SLC14A2: variants seen among roughly 807,000 people sequenced by gnomAD.
SLC14A2 encodes solute carrier family 14 member 2.
In SLC14A2, 91 loss-of-function variants were observed where a neutral mutation model predicts 104.6. The ratio of observed to expected loss-of-function variants is 0.87; its 90% CI spans 0.73 to 1.04. SLC14A2 has a LOEUF of 1.04. Ranked by LOEUF, SLC14A2 falls within the 50% of genes least tolerant of loss-of-function variation. The probability of loss-of-function intolerance (pLI) is 0.00; values close to 1 mark genes in which losing one functional copy is unlikely to be tolerated. For missense variants in SLC14A2, 1,189 were observed against 1,156.0 expected, an observed-to-expected ratio of 1.03 and a Z score of -0.41; for synonymous variants, 476 against 466.4, an observed-to-expected ratio of 1.02 and a Z score of -0.27.
chr18:45,414,505 C>T (rs946621534), intron 1 of SLC14A2, among the ~76,000 whole-genome samples: 3 of 151,882 alleles, frequency 2.0e-5, no homozygotes, highest in Admixed American at 2.0e-4. Context: ...ACCTATCCAT[C>T]CATGTATCCA....
chr18:45,536,283 G>A (rs1322065173), intron 2 of SLC14A2, among the ~76,000 whole-genome samples: 1 of 152,156 alleles, frequency 6.6e-6, no homozygotes, highest in East Asian at 1.9e-4. Flanking sequence ...CCCAGTACCT[G>A]GGTACTCTGA....
rs1285870981 is a variant in SLC14A2, at chr18:45,673,779, T to C, written c.2474T>C (p.Val825Ala). The C allele has an allele frequency of 3.1e-6, 5 of 1,614,224 alleles. No individual in the cohort carries two copies. Among genetic ancestry groups the C allele is most frequent in the East Asian group, 2.2e-5 (1 of 44,892 alleles). The change falls in exon 18 of 20, where the codon GTC (valine) becomes GCC (alanine). Residue 825 changes from valine to alanine, a missense_variant. By Grantham distance (64) the Val-to-Ala change is moderately conservative. Transcript: ENST00000255226. ...ACIAIGGMFY[V>A]ITWQTHLLAI... ...ATAGCGATAGGAGGCATGTTCTACG[T>C]CATCACCTGGCAGACGCACCTCCTC...
chr18:45,534,400 G>T (rs1216265917), intron 2 of SLC14A2, among the ~76,000 whole-genome samples: 2 of 152,122 alleles, frequency 1.3e-5, no homozygotes, highest in African/African-American at 4.8e-5. Context: ...ACATGCCTGG[G>T]ACAGCAAAGC....
Position 45,624,766 on chromosome 18 carries a change from C to G in SLC14A2, c.102C>G (p.Ser34=), listed in dbSNP as rs187940833. 1.4e-5 allele frequency: 22 copies of G among 1,613,294 alleles called. No individual in the cohort carries two copies. In the African/African-American group the frequency reaches 2.7e-4, roughly 20 times the overall value. ...CCAGCCCGAGCTGGCCCTCGACATC[C>G]CCGGATACTCACCCAGCTCTGCCCC... ...EFTSPSWPST[S]PDTHPALPLL... Residue 34 remains serine, a synonymous_variant, in exon 2 of 20, where the codon TCC becomes TCG. Coordinates refer to ENST00000255226, the MANE Select transcript of SLC14A2 (RefSeq NM_007163.4).
intron 1 of SLC14A2, among the ~76,000 whole-genome samples, chr18:45,220,448 A>C (rs547563597): frequency 1.3e-5 from 2 of 152,350 alleles, no homozygotes; most frequent in African/African-American, 4.8e-5. Flanking sequence ...GTGTTTAGCA[A>C]ACAAAAAATG....
intron 2 of SLC14A2, among the ~76,000 whole-genome samples, chr18:45,537,766 C>T (rs985240956): frequency 6.6e-6 from 1 of 152,024 alleles, no homozygotes; most frequent in Non-Finnish European, 1.5e-5. Flanking sequence ...TAGCAAGCAT[C>T]CAGATAAGAG....
chr18:45,459,617 C>T (rs544302712), intron 1 of SLC14A2, among the ~76,000 whole-genome samples: 2 of 152,338 alleles, frequency 1.3e-5, no homozygotes, highest in African/African-American at 4.8e-5. Flanking sequence ...GCCTGCTATT[C>T]CCGGGGCCTC....
intron 1 of SLC14A2, among the ~76,000 whole-genome samples, chr18:45,262,229 TA>T (rs1213686244): frequency 2.6e-5 from 4 of 152,164 alleles, no homozygotes; most frequent in Admixed American, 2.6e-4. Context: ...TGCCTCCTTT[TA>T]TATTTAAGAC....
intron 1 of SLC14A2, among the ~76,000 whole-genome samples, chr18:45,214,285 AT>A (rs2083988072): frequency 1.3e-5 from 2 of 152,172 alleles, no homozygotes; most frequent in South Asian, 2.1e-4. Context: ...CAACAGTTGA[AT>A]GCTCAAGTTT....
chr18:45,471,845 GC>G (rs1289365515), intron 1 of SLC14A2, among the ~76,000 whole-genome samples: 1 of 151,468 alleles, frequency 6.6e-6, no homozygotes, highest in Non-Finnish European at 1.5e-5. Context: ...TTTCATTGAG[GC>G]TTGTTGTTTT....
At chr18:45,525,195 A>T (rs1296705656) in intron 2 of SLC14A2, among the ~76,000 whole-genome samples, 1 of 151,824 alleles carries the variant, frequency 6.6e-6, no homozygotes, top group Non-Finnish European at 1.5e-5. Flanking sequence ...TCCTATAAAA[A>T]TTTTCTCTCT....
chr18:45,505,156 A>G (rs2043262272), intron 2 of SLC14A2, among the ~76,000 whole-genome samples: 1 of 152,196 alleles, frequency 6.6e-6, no homozygotes, highest in Admixed American at 6.5e-5. Context: ...CAATTTTATG[A>G]GGGATTAGAA....
intron 1 of SLC14A2, among the ~76,000 whole-genome samples, chr18:45,469,778 A>C (rs532818498): frequency 1.3e-5 from 2 of 152,308 alleles, no homozygotes; most frequent in East Asian, 3.9e-4. Flanking sequence ...AAAGGCAAGG[A>C]GGTGTGAAAA....
intron 2 of SLC14A2, among the ~76,000 whole-genome samples, chr18:45,539,573 C>A (rs2043852975): frequency 6.6e-6 from 1 of 152,130 alleles, no homozygotes; most frequent in Non-Finnish European, 1.5e-5. Context: ...GCCAGGCAAC[C>A]CCATGGAGCC....
At chr18:45,640,880 C>CG (rs1258823523) in intron 7 of SLC14A2, among the ~76,000 whole-genome samples, 1 of 152,140 alleles carries the variant, frequency 6.6e-6, no homozygotes, top group African/African-American at 2.4e-5. Flanking sequence ...CTCTTCAAAC[C>CG]TTTTTGGAAA....
intron 2 of SLC14A2, among the ~76,000 whole-genome samples, chr18:45,536,779 A>G (rs2043793002): frequency 6.6e-6 from 1 of 152,212 alleles, no homozygotes; most frequent in African/African-American, 2.4e-5. Flanking sequence ...AAAAATATCC[A>G]GATTTGTCAC....
intron 18 of SLC14A2, 120 bp downstream of exon 18, chr18:45,673,937 T>C: frequency 9.8e-7 from 1 of 1,021,722 alleles, no homozygotes; most frequent in East Asian, 2.6e-5. Flanking sequence ...TTTCACTGAA[T>C]ACTCAACGTT....
rs548017050 is a variant in SLC14A2, at chr18:45,671,233, A to C, written c.2230-1667A>C. Among the ~76,000 whole-genome samples the C allele has an allele frequency of 1.1e-3, 169 of 152,312 alleles. 1 individual carries two copies. The highest frequency in any genetic ancestry group is 3.7e-3 in the African/African-American group (154 of 41,560). ...TTGAAATTTTATAGAAATGGAAAAA[A>C]ATGAATAATCCTGTACAAACACTTG... On this transcript the variant is annotated intron_variant, in intron 16 of 19. Transcript: ENST00000255226.
intron 10 of SLC14A2, among the ~76,000 whole-genome samples, chr18:45,649,522 T>C (rs975489583): frequency 6.6e-6 from 1 of 152,272 alleles, no homozygotes; most frequent in Non-Finnish European, 1.5e-5. Context: ...CCATTTGTAT[T>C]GAACATGTTA....
Sources: gnomAD v4.1 joint callset for allele counts (sites outside exome capture counted in the v4.1 genomes callset) on GRCh38, gnomAD v4.1.1 for gene constraint, MANE v1.5 for transcripts, NCBI Gene and HGNC (gene_info 2026-07-23, HGNC 2026-07-21) for gene names.